The following SP140 variants were observed in gnomAD, a reference collection of about 807,000 sequenced individuals.
SP140 encodes the protein nuclear body protein SP140.
In SP140, 81 loss-of-function variants were observed where a neutral mutation model predicts 125.0. The ratio of observed to expected loss-of-function variants is 0.65; its 90% CI spans 0.54 to 0.78. The LOEUF is 0.78. SP140 is among the 30% of genes least tolerant of loss of function. The probability of loss-of-function intolerance (pLI) is 0.00; values close to 1 mark genes in which losing one functional copy is unlikely to be tolerated. For synonymous variants in SP140, 312 were observed against 354.0 expected, an observed-to-expected ratio of 0.88 and a Z score of 1.33; for missense variants, 858 against 1,037.0, an observed-to-expected ratio of 0.83 and a Z score of 2.37.
intron 22 of SP140, among the ~76,000 whole-genome samples, chr2:230,303,689 A>G (rs1017981058): frequency 3.3e-5 from 5 of 152,234 alleles, no homozygotes; most frequent in African/African-American, 1.2e-4. Context: ...CAGCAAAAGC[A>G]TTTGACAAAA....
rs1382194028 is a variant in SP140 at position 230,309,360 on chromosome 2, G to GGTCATCT, written c.2059-563_2059-557dup. Among the ~76,000 whole-genome samples the GGTCATCT allele has an allele frequency of 3.3e-5, 5 of 152,234 alleles. No individual in the cohort carries two copies. The East Asian group carries it at 9.7e-4, about 29-fold the overall frequency. On this transcript the variant is annotated intron_variant, in intron 22 of 26. Transcript: ENST00000392045. ...GCTCTGTGCTTCCTGGGGCCCACCT[G>GGTCATCT]GTCATCTCCACCCACGGTCCTTCCC...
At chr2:230,285,132 A>G (rs1326746662) in intron 16 of SP140, among the ~76,000 whole-genome samples, 2 of 152,336 alleles carry the variant, frequency 1.3e-5, no homozygotes, top group East Asian at 1.9e-4. Context: ...GCTATCTCCA[A>G]TGGTGATGTT....
At chr2:230,285,927 T>C (rs1376423563) in intron 17 of SP140, 95 bp downstream of exon 17, 12 of 927,026 alleles carry the variant, frequency 1.3e-5, no homozygotes, top group Admixed American at 5.8e-5. Flanking sequence ...AATTGTTTAC[T>C]CATCAAGCTT....
chr2:230,309,375 C>T (rs774383980), intron 22 of SP140, among the ~76,000 whole-genome samples: 4 of 152,188 alleles, frequency 2.6e-5, no homozygotes, highest in African/African-American at 7.2e-5. Context: ...TCTCCACCCA[C>T]GGTCCTTCCC....
chr2:230,213,089 G>A, intron 1 of SP140: 1 of 1,548,578 alleles, frequency 6.5e-7, no homozygotes, highest in Non-Finnish European at 8.9e-7. Flanking sequence ...TGGGGAAGGG[G>A]ATTTCTTAAT....
intron 21 of SP140, 49 bp downstream of exon 21, chr2:230,294,367 G>A (rs2057456212): frequency 1.4e-6 from 2 of 1,422,904 alleles, no homozygotes; most frequent in East Asian, 2.3e-5. Context: ...AACTGATTTA[G>A]CATGCACAAA....
intron 10 of SP140, among the ~76,000 whole-genome samples, chr2:230,252,849 T>C (rs2050577349): frequency 6.6e-6 from 1 of 151,800 alleles, no homozygotes; most frequent in Admixed American, 6.6e-5. Context: ...AGGGTCAGAA[T>C]AGAAAGAAGC....
chr2:230,219,750 G>A (rs540591279), intron 3 of SP140: 1 of 184,064 alleles, frequency 5.4e-6, no homozygotes, highest in South Asian at 1.8e-4. Flanking sequence ...CCACATGTCT[G>A]AGCTCTGAGA....
At chr2:230,298,187 C>A (rs982479631) in intron 22 of SP140, among the ~76,000 whole-genome samples, 1 of 152,168 alleles carries the variant, frequency 6.6e-6, no homozygotes, top group Non-Finnish European at 1.5e-5. Flanking sequence ...TATATGACTG[C>A]CTGCTTTGGA....
intron 22 of SP140, among the ~76,000 whole-genome samples, chr2:230,303,443 G>T (rs949526970): frequency 6.6e-6 from 1 of 152,158 alleles, no homozygotes; most frequent in Admixed American, 6.5e-5. Flanking sequence ...GAAAGGCCAA[G>T]ACCAGATGGA....
At chr2:230,306,473 G>A (rs760522138) in intron 22 of SP140, among the ~76,000 whole-genome samples, 4 of 152,214 alleles carry the variant, frequency 2.6e-5, no homozygotes, top group East Asian at 1.9e-4. Flanking sequence ...GCAGGAGCTC[G>A]CCATGCGCAA....
chr2:230,235,276 C>G (rs2047805590), intron 1 of SP140, among the ~76,000 whole-genome samples: 1 of 152,220 alleles, frequency 6.6e-6, no homozygotes, highest in Admixed American at 6.5e-5. Context: ...GGATCCTTTT[C>G]TGACCTCAGG....
At chr2:230,244,861 T>C in intron 5 of SP140, 127 bp from the exon 6 acceptor site, 2 of 610,022 alleles carry the variant, frequency 3.3e-6, no homozygotes, top group Non-Finnish European at 2.9e-6. Flanking sequence ...GTGGCGGGGC[T>C]CAGGCGAGGT....
chr2:230,270,530 T>C, intron 14 of SP140, 56 bp from the exon 15 acceptor site: 3 of 1,497,966 alleles, frequency 2.0e-6, no homozygotes, highest in Non-Finnish European at 2.8e-6. Flanking sequence ...TGTCCTAAAA[T>C]CTATAACTTT....
At chr2:230,311,641 C>T (rs748345962) in intron 26 of SP140, 46 bp downstream of exon 26, 1 of 1,593,060 alleles carries the variant, frequency 6.3e-7, no homozygotes, top group African/African-American at 1.4e-5. Context: ...CCATCCTTCC[C>T]CTCATTTTCT....
chr2:230,225,193 C>T (rs548238896), upstream of SP140, among the ~76,000 whole-genome samples: 32 of 152,320 alleles, frequency 2.1e-4, no homozygotes, highest in Non-Finnish European at 4.0e-4. Flanking sequence ...AAAGTGCCCA[C>T]ATATTTGAGA....
intron 10 of SP140, among the ~76,000 whole-genome samples, chr2:230,252,575 G>T (rs930475437): frequency 6.6e-6 from 1 of 152,140 alleles, no homozygotes; most frequent in African/African-American, 2.4e-5. Context: ...GCCAACATGG[G>T]GTGGGAGACC....
chr2:230,235,563 C>T (rs767459352), intron 1 of SP140, among the ~76,000 whole-genome samples: 1 of 152,088 alleles, frequency 6.6e-6, no homozygotes, highest in Non-Finnish European at 1.5e-5. Context: ...CTATTCTATC[C>T]TGATGCATGT....
At chr2:230,234,271 A>C (rs2047661487) in intron 1 of SP140, among the ~76,000 whole-genome samples, 1 of 152,198 alleles carries the variant, frequency 6.6e-6, no homozygotes, top group Non-Finnish European at 1.5e-5. Context: ...ACCCCATCTG[A>C]AATGACAGTC....
Sources: allele counts gnomAD v4.1 joint callset (sites outside exome capture counted in the v4.1 genomes callset), GRCh38; gene constraint gnomAD v4.1.1; transcripts MANE v1.5; gene names NCBI Gene and HGNC (gene_info 2026-07-23, HGNC 2026-07-21).